The following FHIT variants were observed in gnomAD, a reference collection of about 807,000 sequenced individuals.
The protein encoded by FHIT is bis(5'-adenosyl)-triphosphatase.
Under a neutral mutation model 17.9 loss-of-function variants are expected in FHIT, and 19 were observed. The ratio of observed to expected loss-of-function variants is 1.06; its 90% CI spans 0.74 to 1.56. FHIT has a LOEUF of 1.56. Among genes scored for constraint, FHIT ranks in the 40% most tolerant of loss-of-function variants. The pLI, the probability that FHIT is intolerant of heterozygous loss-of-function variation, is 0.00. For missense variants in FHIT, 248 were observed against 189.2 expected, an observed-to-expected ratio of 1.31 and a Z score of -1.82; for synonymous variants, 81 against 69.7, an observed-to-expected ratio of 1.16 and a Z score of -0.81.
At chr3:60,673,367 G>T (rs2040552836) in intron 4 of FHIT, among the ~76,000 whole-genome samples, 1 of 152,104 alleles carries the variant, frequency 6.6e-6, no homozygotes, top group South Asian at 2.1e-4. Context: ...CCTTTGCAGG[G>T]GCATGGATAG....
chr3:60,426,326 A>G (rs2687158), intron 5 of FHIT, among the ~76,000 whole-genome samples: 145,959 of 152,216 alleles, frequency 0.96, 70,277 homozygotes, highest in East Asian at 1. Flanking sequence ...AAAGATCTCC[A>G]TTGCTCTAAA....
chr3:61,088,932 G>A (rs2035390932), intron 2 of FHIT, among the ~76,000 whole-genome samples: 2 of 152,152 alleles, frequency 1.3e-5, no homozygotes, highest in Non-Finnish European at 2.9e-5. Context: ...ATGGTTGAGA[G>A]TCATGGACAT....
At position 60,568,614 on chromosome 3, in the gene FHIT, TA is replaced by T. The variant is rs144401946; in HGVS notation, c.-17-31636del. 2.3e-3 allele frequency among the ~76,000 whole-genome samples: 346 copies of T among 151,146 alleles called. 1 individual carries two copies. The highest frequency in any genetic ancestry group is 7.6e-3 in the African/African-American group (313 of 41,214). The stretch of plus-strand genomic sequence containing the variant: ...CTGAAACTTAAAGTATAATAAAAAT[TA>T]AAAAAAAAGAAAAGAAAACTTCTAG... On this transcript the variant is annotated intron_variant, in intron 4 of 9. Transcript: ENST00000492590.
chr3:60,009,161 TTTTA>T (rs200712117), intron 7 of FHIT, among the ~76,000 whole-genome samples: 54 of 71,032 alleles, frequency 7.6e-4, no homozygotes, highest in East Asian at 3.0e-3. Context: ...TTCTCTGGGA[TTTTA>T]TGTGTGTGTG....
At chr3:59,990,084 T>C (rs1709159495) in intron 7 of FHIT, among the ~76,000 whole-genome samples, 1 of 152,126 alleles carries the variant, frequency 6.6e-6, no homozygotes, top group East Asian at 1.9e-4. Context: ...GTGGTAGTTT[T>C]TAAAAAGACC....
At chr3:60,971,890 C>T (rs12053964) in intron 3 of FHIT, among the ~76,000 whole-genome samples, 14,822 of 152,210 alleles carry the variant, frequency 0.097, 973 homozygotes, top group East Asian at 0.24. Flanking sequence ...CTTAGTCATA[C>T]AAGAGATGTG....
intron 4 of FHIT, among the ~76,000 whole-genome samples, chr3:60,804,254 G>T (rs1327388145): frequency 1.3e-5 from 2 of 152,326 alleles, no homozygotes; most frequent in South Asian, 2.1e-4. Context: ...CCCCCTCATG[G>T]TTATAGGAGG....
At chr3:59,974,913 C>T (rs374489520) in intron 7 of FHIT, among the ~76,000 whole-genome samples, 94 of 152,252 alleles carry the variant, frequency 6.2e-4, no homozygotes, top group African/African-American at 2.0e-3. Flanking sequence ...CATTCTACCA[C>T]GGCTATTCAT....
chr3:60,209,530 G>A (rs1190186038), intron 5 of FHIT, among the ~76,000 whole-genome samples: 3 of 152,064 alleles, frequency 2.0e-5, no homozygotes, highest in Admixed American at 2.0e-4. Context: ...CCATCTTCCA[G>A]AGCCAAGAAC....
At chr3:60,073,859 T>C (rs1702890766) in intron 5 of FHIT, among the ~76,000 whole-genome samples, 2 of 152,130 alleles carry the variant, frequency 1.3e-5, no homozygotes, top group Admixed American at 1.3e-4. Context: ...ACACTGCTAC[T>C]TCCTAACAAG....
intron 5 of FHIT, among the ~76,000 whole-genome samples, chr3:60,078,143 T>C (rs912470604): frequency 2.0e-5 from 3 of 152,006 alleles, no homozygotes; most frequent in African/African-American, 4.8e-5. Context: ...AAAAAAAGAA[T>C]GGGTAAAAGT....
chr3:60,129,474 G>A (rs1239519098), intron 5 of FHIT, among the ~76,000 whole-genome samples: 1 of 152,122 alleles, frequency 6.6e-6, no homozygotes, highest in Non-Finnish European at 1.5e-5. Context: ...ACCTATCCAT[G>A]TCAAAGGGTT....
At chr3:60,429,598 G>C (rs1702800906) in intron 5 of FHIT, among the ~76,000 whole-genome samples, 2 of 152,112 alleles carry the variant, frequency 1.3e-5, no homozygotes, top group South Asian at 2.1e-4. Context: ...CCTGTTTAAG[G>C]GTATCTATCA....
intron 5 of FHIT, among the ~76,000 whole-genome samples, chr3:60,141,675 A>G (rs780113141): frequency 6.6e-6 from 1 of 152,166 alleles, no homozygotes; most frequent in Non-Finnish European, 1.5e-5. Context: ...CTAAAGAGTC[A>G]ACTGTTAAAT....
intron 5 of FHIT, among the ~76,000 whole-genome samples, chr3:60,285,364 C>G (rs1177705583): frequency 6.6e-6 from 1 of 152,132 alleles, no homozygotes; most frequent in East Asian, 1.9e-4. Context: ...TGAATTATCT[C>G]TCCAGTGGTC....
intron 7 of FHIT, among the ~76,000 whole-genome samples, chr3:59,929,764 A>G (rs1705871977): frequency 6.6e-6 from 1 of 152,222 alleles, no homozygotes; most frequent in Admixed American, 6.5e-5. Flanking sequence ...AAGAGACAGA[A>G]AAACACATAG....
At chr3:59,817,384 G>T (rs1453712648) in intron 8 of FHIT, among the ~76,000 whole-genome samples, 1 of 151,954 alleles carries the variant, frequency 6.6e-6, no homozygotes, top group Non-Finnish European at 1.5e-5. Flanking sequence ...AAACGGGTGT[G>T]TGGAACTGTC....
intron 3 of FHIT, among the ~76,000 whole-genome samples, chr3:60,923,888 C>G (rs1340530182): frequency 6.6e-6 from 1 of 152,200 alleles, no homozygotes; most frequent in African/African-American, 2.4e-5. Flanking sequence ...ATGGTCTTAG[C>G]AAACGGCACA....
chr3:60,129,042 C>CCTTTTT (rs1553692314), intron 5 of FHIT, among the ~76,000 whole-genome samples: 1 of 113,012 alleles, frequency 8.8e-6, no homozygotes, highest in African/African-American at 3.4e-5. Flanking sequence ...TTCTTCTTTC[C>CCTTTTT]TTTTTTGTTT....
Sources: gnomAD v4.1 joint callset for allele counts (sites outside exome capture counted in the v4.1 genomes callset) on GRCh38, gnomAD v4.1.1 for gene constraint, MANE v1.5 for transcripts, NCBI Gene and HGNC (gene_info 2026-07-23, HGNC 2026-07-21) for gene names.